DKK2: variants seen among roughly 807,000 people sequenced by gnomAD.
DKK2 encodes dickkopf Wnt signaling pathway inhibitor 2.
In DKK2, 11 loss-of-function variants were observed where a neutral mutation model predicts 28.1. The observed-to-expected ratio is 0.39, with a 90% CI of 0.25 to 0.65. DKK2 has a LOEUF of 0.65. Among genes scored for constraint, DKK2 ranks in the 30% least tolerant of loss-of-function variants. DKK2 has a pLI of 0.47. For synonymous variants in DKK2, 135 were observed against 126.5 expected, an observed-to-expected ratio of 1.07 and a Z score of -0.45; for missense variants, 326 against 335.5, an observed-to-expected ratio of 0.97 and a Z score of 0.22.
Position 106,927,395 on chromosome 4 carries a change from C to T in DKK2, c.223-1446G>A, listed in dbSNP as rs1013108202. The stretch of plus-strand genomic sequence containing the variant: ...AAAAAGGAAATGTGAAGTTTATGTA[C>T]GAGTCTGAGAGATAAAAAATGTATT... On this transcript the variant is annotated intron_variant, in intron 1 of 3. Transcript: ENST00000285311. Among the ~76,000 whole-genome samples the T allele has an allele frequency of 3.3e-5, 5 of 152,040 alleles. 1 individual carries two copies. The South Asian group carries it at 6.2e-4, about 19-fold the overall frequency.
intron 1 of DKK2, among the ~76,000 whole-genome samples, chr4:106,956,146 C>T (rs1173869694): frequency 6.6e-6 from 1 of 152,068 alleles, no homozygotes; most frequent in African/African-American, 2.4e-5. Context: ...CTAATATAGT[C>T]CATATTTGTT....
At chr4:107,023,299 C>G (rs76410376) in intron 1 of DKK2, among the ~76,000 whole-genome samples, 1 of 151,928 alleles carries the variant, frequency 6.6e-6, no homozygotes, top group East Asian at 1.9e-4. Flanking sequence ...TTTTGGAAAA[C>G]GATTTTAGCT....
At chr4:106,951,659 C>T (rs1188706249) in intron 1 of DKK2, among the ~76,000 whole-genome samples, 1 of 152,128 alleles carries the variant, frequency 6.6e-6, no homozygotes, top group Non-Finnish European at 1.5e-5. Context: ...ACAGACACCA[C>T]AGGCTTAGAA....
rs1235977630 is a variant in DKK2, at chr4:106,962,468, C to T, written c.223-36519G>A. 4.9e-5 allele frequency among the ~76,000 whole-genome samples: 7 copies of T among 142,040 alleles called. No homozygotes were observed. The East Asian group carries it at 1.5e-3, about 31-fold the overall frequency. 93.2% of individuals were successfully genotyped at this position (142,040 alleles called of 152,430 possible). A position where few individuals can be genotyped will look rare whatever the true frequency, so the allele number is the denominator to read the frequency against. On this transcript the variant is annotated intron_variant, in intron 1 of 3. Coordinates refer to ENST00000285311, the MANE Select transcript of DKK2 (RefSeq NM_014421.3). The stretch of plus-strand genomic sequence containing the variant: ...TACATTAAGGAAAGAACAGTCTCTT[C>T]AAGAAATGGAGCCAGAAAAACTATG...
intron 1 of DKK2, among the ~76,000 whole-genome samples, chr4:106,939,327 G>A (rs1377085714): frequency 6.6e-6 from 1 of 151,540 alleles, no homozygotes; most frequent in Non-Finnish European, 1.5e-5. Flanking sequence ...AACAGACAGA[G>A]AGCCAAATCA....
intron 1 of DKK2, among the ~76,000 whole-genome samples, chr4:106,983,487 A>T (rs1723065362): frequency 6.6e-6 from 1 of 152,158 alleles, no homozygotes; most frequent in African/African-American, 2.4e-5. Context: ...AACATGAAAC[A>T]ATAAAAGTTT....
intron 1 of DKK2, among the ~76,000 whole-genome samples, chr4:106,945,396 C>G (rs543952261): frequency 5.3e-5 from 8 of 152,018 alleles, no homozygotes; most frequent in Non-Finnish European, 1.0e-4. Context: ...CACAGTGTAA[C>G]AAAATGAACC....
chr4:106,988,010 A>G (rs1312380477), intron 1 of DKK2, among the ~76,000 whole-genome samples: 1 of 151,988 alleles, frequency 6.6e-6, no homozygotes, highest in Admixed American at 6.6e-5. Context: ...GACTATAGGC[A>G]CCCACCATCA....
rs796176972 is a variant in DKK2, at chr4:106,990,399, CA to C, written c.222+44970del. On this transcript the variant is annotated intron_variant, in intron 1 of 3. Coordinates refer to ENST00000285311, the MANE Select transcript of DKK2 (RefSeq NM_014421.3). ...GGGGATACAGTGGTTTCACAAACCT[CA>C]AGTGTTAGCTGTATGGAGAGAGCCC... is the stretch of plus-strand genomic sequence containing the variant. Among the ~76,000 whole-genome samples, 37 of 152,248 alleles carry C rather than the reference CA, an allele frequency of 2.4e-4. 1 individual carries two copies. Among genetic ancestry groups the C allele is most frequent in the African/African-American group, 8.9e-4 (37 of 41,536 alleles).
intron 1 of DKK2, among the ~76,000 whole-genome samples, chr4:106,940,634 A>T (rs1450411463): frequency 6.6e-6 from 1 of 150,702 alleles, no homozygotes; most frequent in African/African-American, 2.5e-5. Context: ...ACTATAAATC[A>T]TGCTGCTATA....
chr4:106,997,136 C>T (rs1471413274), intron 1 of DKK2, among the ~76,000 whole-genome samples: 1 of 152,046 alleles, frequency 6.6e-6, no homozygotes, highest in African/African-American at 2.4e-5. Context: ...GTTTGAATCT[C>T]TGTAGTGCCC....
At chr4:106,941,830 G>A (rs1487392673) in intron 1 of DKK2, among the ~76,000 whole-genome samples, 1 of 152,086 alleles carries the variant, frequency 6.6e-6, no homozygotes, top group Non-Finnish European at 1.5e-5. Context: ...GCCCCAGCAT[G>A]GAGGGAATTT....
chr4:106,977,889 C>T (rs1722968824), intron 1 of DKK2, among the ~76,000 whole-genome samples: 1 of 152,186 alleles, frequency 6.6e-6, no homozygotes, highest in Admixed American at 6.5e-5. Flanking sequence ...TACCTTTGGT[C>T]TTTGATGTTG....
At chr4:107,035,287 C>A (rs1366170000) in intron 1 of DKK2, 83 bp downstream of exon 1, 5 of 1,493,032 alleles carry the variant, frequency 3.3e-6, no homozygotes, top group Non-Finnish European at 3.7e-6. Flanking sequence ...CCGAATGTTG[C>A]AAGATGCAAT....
chr4:106,936,089 A>C (rs971364426), intron 1 of DKK2, among the ~76,000 whole-genome samples: 4 of 152,170 alleles, frequency 2.6e-5, no homozygotes, highest in Non-Finnish European at 5.9e-5. Flanking sequence ...ACAGTTCCTC[A>C]CCAGCAATGG....
chr4:106,950,090 G>C lies in DKK2; in HGVS notation c.223-24141C>G, dbSNP rs575152746. On this transcript the variant is annotated intron_variant, in intron 1 of 3. Coordinates refer to ENST00000285311, the MANE Select transcript of DKK2 (RefSeq NM_014421.3). ...CAGTTACAAACTGGAATGTCAAGAAGGTCTCAGTAGATACATATGTTTTGC... is the reference window on the plus strand; with the variant it reads ...CAGTTACAAACTGGAATGTCAAGAACGTCTCAGTAGATACATATGTTTTGC... Among the ~76,000 whole-genome samples the C allele has an allele frequency of 9.9e-5, 15 of 152,276 alleles. No individual in the cohort carries two copies. In the East Asian group the frequency reaches 2.5e-3, roughly 25 times the overall value.
At chr4:107,021,150 C>T (rs1262808352) in intron 1 of DKK2, among the ~76,000 whole-genome samples, 1 of 151,998 alleles carries the variant, frequency 6.6e-6, no homozygotes, top group African/African-American at 2.4e-5. Context: ...ATCCTTGACT[C>T]AGAATGTTTA....
At chr4:107,025,336 T>A (rs184936347) in intron 1 of DKK2, among the ~76,000 whole-genome samples, 253 of 152,178 alleles carry the variant, frequency 1.7e-3, no homozygotes, top group African/African-American at 4.9e-3. Context: ...ATTTAAAAAA[T>A]TTTTTTAAAG....
intron 1 of DKK2, among the ~76,000 whole-genome samples, chr4:106,967,938 GAAGA>G (rs1259732172): frequency 2.8e-5 from 4 of 140,618 alleles, no homozygotes; most frequent in African/African-American, 8.1e-5. Flanking sequence ...TGGAAGGAAG[GAAGA>G]AAGAGAGAAA....
Sources: gnomAD v4.1 joint callset for allele counts (sites outside exome capture counted in the v4.1 genomes callset) on GRCh38, gnomAD v4.1.1 for gene constraint, MANE v1.5 for transcripts, NCBI Gene and HGNC (gene_info 2026-07-23, HGNC 2026-07-21) for gene names.